Variants in AKIRIN2 observed in about 807,000 individuals in gnomAD.
AKIRIN2 encodes akirin-2.
AKIRIN2 carries 6 observed loss-of-function variants against 29.3 expected under a neutral mutation model. That is an observed-to-expected ratio of 0.20 (90% CI 0.11 to 0.40). The LOEUF is 0.40. Ranked by LOEUF, AKIRIN2 falls within the 10% of genes least tolerant of loss-of-function variation. The pLI is 1.00. For missense variants in AKIRIN2, 210 were observed against 276.1 expected, an observed-to-expected ratio of 0.76 and a Z score of 1.70; for synonymous variants, 128 against 117.5, an observed-to-expected ratio of 1.09 and a Z score of -0.58.
chr6:87,695,971 G>C (rs539757106), intron 1 of AKIRIN2, among the ~76,000 whole-genome samples: 3 of 151,722 alleles, frequency 2.0e-5, no homozygotes, highest in African/African-American at 7.3e-5. Context: ...TGAGCCCCAG[G>C]AGTTTGAAAC....
At chr6:87,679,241 C>A (rs148759474) in intron 2 of AKIRIN2, among the ~76,000 whole-genome samples, 2 of 151,812 alleles carry the variant, frequency 1.3e-5, no homozygotes, top group East Asian at 3.9e-4. Flanking sequence ...AAAAAACATT[C>A]TGGAACCTAG....
intron 1 of AKIRIN2, among the ~76,000 whole-genome samples, chr6:87,685,471 C>G: frequency 6.6e-6 from 1 of 152,220 alleles, no homozygotes; most frequent in East Asian, 1.9e-4. Flanking sequence ...CATCTCTTAT[C>G]ATACCAGCAA....
intron 1 of AKIRIN2, among the ~76,000 whole-genome samples, chr6:87,696,821 C>T (rs1771373876): frequency 6.6e-6 from 1 of 151,234 alleles, no homozygotes; most frequent in South Asian, 2.1e-4. Flanking sequence ...ACCTGACCAA[C>T]ATGGTGAAAC....
At chr6:87,685,696 C>G (rs1319180668) in intron 1 of AKIRIN2, among the ~76,000 whole-genome samples, 1 of 152,150 alleles carries the variant, frequency 6.6e-6, no homozygotes, top group Non-Finnish European at 1.5e-5. Context: ...TCAAGAAAAG[C>G]TAAAGCACAC....
chr6:87,689,802 T>C (rs1771250691), intron 1 of AKIRIN2, among the ~76,000 whole-genome samples: 1 of 152,230 alleles, frequency 6.6e-6, no homozygotes, highest in South Asian at 2.1e-4. Flanking sequence ...CTACGTTCCT[T>C]ATGAGGTGAT....
intron 2 of AKIRIN2, 112 bp downstream of exon 2, chr6:87,681,507 TG>T (rs1771122350): frequency 1.9e-6 from 2 of 1,054,802 alleles, no homozygotes; most frequent in Middle Eastern, 2.7e-4. Flanking sequence ...CTTGTATAAA[TG>T]TTTTTTTAAA....
intron 2 of AKIRIN2, among the ~76,000 whole-genome samples, chr6:87,680,795 G>T (rs1388229435): frequency 8.2e-6 from 1 of 121,868 alleles, no homozygotes; most frequent in African/African-American, 3.3e-5. Flanking sequence ...TTAAAAAAAA[G>T]GAAGGTTATT....
chr6:87,699,103 C>A lies in AKIRIN2; in HGVS notation c.235+2347G>T, dbSNP rs559234613. Among the ~76,000 whole-genome samples, 5 of 152,274 alleles carry A rather than the reference C, an allele frequency of 3.3e-5. No homozygotes were observed. The South Asian group carries it at 1.0e-3, about 32-fold the overall frequency. On this transcript the variant is annotated intron_variant, in intron 1 of 4. Coordinates refer to ENST00000257787, the MANE Select transcript of AKIRIN2 (RefSeq NM_018064.4). Reference sequence around the variant, plus strand: ...CACTGTCTACTTCCAAACCTAACTACTCATTTTAGTTAATGACAGATGGGT... The same window carrying A: ...CACTGTCTACTTCCAAACCTAACTAATCATTTTAGTTAATGACAGATGGGT...
chr6:87,678,801 AC>A (rs1771068899), intron 2 of AKIRIN2, among the ~76,000 whole-genome samples: 1 of 152,148 alleles, frequency 6.6e-6, no homozygotes, highest in South Asian at 2.1e-4. Context: ...TAATTATTCT[AC>A]CATCATTTCA....
intron 1 of AKIRIN2, among the ~76,000 whole-genome samples, chr6:87,685,781 G>A (rs1465735605): frequency 6.6e-6 from 1 of 152,164 alleles, no homozygotes; most frequent in Admixed American, 6.5e-5. Flanking sequence ...CTAAATGGAA[G>A]TCATTATTAG....
At position 87,701,518 on chromosome 6, in the gene AKIRIN2, G is replaced by A; in HGVS notation, c.167C>T (p.Ala56Val). 1 of 1,447,970 alleles carries A rather than the reference G, an allele frequency of 6.9e-7. No individual in the cohort carries two copies. The highest frequency in any genetic ancestry group is 2.8e-5 in the East Asian group (1 of 35,482). 89.7% of individuals were successfully genotyped at this position (1,447,970 alleles called of 1,614,324 possible). Residue 56 changes from alanine (A) to valine (V), a missense_variant, in exon 1 of 5, where the codon GCC becomes GTC. Physicochemically the swap from Ala to Val is moderately conservative, Grantham distance 64 (BLOSUM62 0). Transcript: ENST00000257787. ...ATAASFSAAA[A>V]SPQKYLRMEP... is the part of the protein sequence containing the mutation. The stretch of plus-strand genomic sequence containing the variant: ...CATTCGGAGATACTTCTGCGGCGAG[G>A]CGGCCGCAGCGGAGAAGGAGGCGGC...
chr6:87,700,197 T>C (rs1771436456), intron 1 of AKIRIN2, among the ~76,000 whole-genome samples: 3 of 150,528 alleles, frequency 2.0e-5, no homozygotes, highest in South Asian at 4.2e-4. Flanking sequence ...ACCAAATATT[T>C]AATAGCAAAA....
intron 1 of AKIRIN2, among the ~76,000 whole-genome samples, chr6:87,688,775 A>G (rs1435821806): frequency 6.6e-6 from 1 of 152,078 alleles, no homozygotes; most frequent in South Asian, 2.1e-4. Context: ...CACACAATAA[A>G]TGGAGAAGAA....
In AKIRIN2 at chr6:87,685,679, G is replaced by T. The variant is rs115584625; in HGVS notation, c.236-3916C>A. 5.8e-3 allele frequency among the ~76,000 whole-genome samples: 886 copies of T among 152,282 alleles called. 7 individuals are homozygous for T. The highest frequency in any genetic ancestry group is 0.02 in the African/African-American group (827 of 41,560). ...AACCATTTAGAGCAAAATATCTAGA[G>T]TTATCTTCAAGAAAAGCTAAAGCAC... On this transcript the variant is annotated intron_variant, in intron 1 of 4. Transcript: ENST00000257787.
chr6:87,680,507 G>A (rs942384939), intron 2 of AKIRIN2, among the ~76,000 whole-genome samples: 2 of 151,626 alleles, frequency 1.3e-5, no homozygotes, highest in African/African-American at 2.4e-5. Context: ...TCCTGACCTC[G>A]TGATAAACCT....
chr6:87,690,932 C>T (rs1771268178), intron 1 of AKIRIN2, among the ~76,000 whole-genome samples: 2 of 152,066 alleles, frequency 1.3e-5, no homozygotes, highest in South Asian at 4.1e-4. Flanking sequence ...GAGACTGCAC[C>T]ACTGCACTCC....
chr6:87,677,924 G>T lies in AKIRIN2; in HGVS notation c.423C>A (p.Pro141=), dbSNP rs1444964146. 6.2e-7 allele frequency: 1 copy of T among 1,613,794 alleles called. No individual in the cohort carries two copies. Among genetic ancestry groups the T allele is most frequent in the Non-Finnish European group, 8.5e-7 (1 of 1,179,966 alleles). ...TCCCAACCTGCCGTAGAGTAAATAA[G>T]GGCTGTTCTTTTTTTAATGGTGAGG... The part of the protein sequence containing the change: ...AASSPLKKEQ[P]LFTLRQVGMI... Residue 141 remains proline, a synonymous_variant, in exon 3 of 5, where the codon CCC becomes CCA. Coordinates refer to ENST00000257787, the MANE Select transcript of AKIRIN2 (RefSeq NM_018064.4).
chr6:87,698,565 C>CA (rs1289249012), intron 1 of AKIRIN2, among the ~76,000 whole-genome samples: 3 of 152,166 alleles, frequency 2.0e-5, no homozygotes, highest in Non-Finnish European at 4.4e-5. Context: ...CTTTGTCAAC[C>CA]ATCCCTAGAC....
intron 3 of AKIRIN2, among the ~76,000 whole-genome samples, chr6:87,677,419 T>G (rs1317718265): frequency 6.6e-6 from 1 of 152,224 alleles, no homozygotes; most frequent in Non-Finnish European, 1.5e-5. Context: ...TTTTACTGAA[T>G]TTTTTGATAA....
Sources: gnomAD v4.1 joint callset for allele counts (sites outside exome capture counted in the v4.1 genomes callset) on GRCh38, gnomAD v4.1.1 for gene constraint, MANE v1.5 for transcripts, NCBI Gene and HGNC (gene_info 2026-07-23, HGNC 2026-07-21) for gene names.